The following SREK1 variants were observed in gnomAD, a reference collection of about 807,000 sequenced individuals.
SREK1 encodes splicing regulatory glutamine/lysine-rich protein 1.
Under a neutral mutation model 66.5 loss-of-function variants are expected in SREK1, and 13 were observed. That is an observed-to-expected ratio of 0.20 (90% CI 0.13 to 0.31). SREK1 has a LOEUF of 0.31. SREK1 is among the 10% of genes least tolerant of loss of function. SREK1 has a pLI of 1.00. For synonymous variants in SREK1, 265 were observed against 263.5 expected (o/e 1.01, Z -0.05); for missense variants, 607 against 769.6 (o/e 0.79, Z 2.50).
chr5:66,157,193 A>G, intron 2 of SREK1: 1 of 975,816 alleles, frequency 1.0e-6, no homozygotes. Context: ...TACTATATTT[A>G]TAGTAGTATA....
intron 7 of SREK1, 21 bp from the exon 8 acceptor site, chr5:66,170,030 C>T: frequency 6.7e-7 from 1 of 1,487,356 alleles, no homozygotes. Context: ...TTTTGATATT[C>T]TAACAATTTT....
In SREK1 at chr5:66,144,575, G is replaced by A. The variant is rs1202774403; in HGVS notation, c.161+38G>A. The A allele has an allele frequency of 2.6e-6, 4 of 1,530,084 alleles. 1 individual carries two copies. Among genetic ancestry groups the A allele is most frequent in the South Asian group, 2.4e-5 (2 of 82,152 alleles). 94.8% of individuals were successfully genotyped at this position (1,530,084 alleles called of 1,614,324 possible). A position where few individuals can be genotyped will look rare whatever the true frequency, so the allele number is the denominator to read the frequency against. On this transcript the variant is annotated intron_variant, in intron 1 of 11. Coordinates refer to ENST00000334121, the MANE Select transcript of SREK1 (RefSeq NM_001077199.3). ...GCTCGGCTGGGGGAGGGGCGCGGGCGCCATAGAGACCTCGGGAGCCGAGGC... is the reference window on the plus strand; with the variant it reads ...GCTCGGCTGGGGGAGGGGCGCGGGCACCATAGAGACCTCGGGAGCCGAGGC...
At chr5:66,160,666 A>G (rs1160164629) in intron 3 of SREK1, among the ~76,000 whole-genome samples, 1 of 152,210 alleles carries the variant, frequency 6.6e-6, no homozygotes, top group Non-Finnish European at 1.5e-5. Flanking sequence ...ATGATTTGAC[A>G]TGTTTTAAAA....
intron 7 of SREK1, chr5:66,169,598 A>C (rs1745464026): frequency 6.6e-6 from 1 of 152,252 alleles, no homozygotes; most frequent in Admixed American, 6.5e-5. Context: ...TTAACTTATG[A>C]GTAATGATTT....
intron 1 of SREK1, among the ~76,000 whole-genome samples, chr5:66,145,336 AGGTTGTT>A (rs1743083781): frequency 6.6e-6 from 1 of 152,158 alleles, no homozygotes; most frequent in South Asian, 2.1e-4. Context: ...AGGGGTTTGT[AGGTTGTT>A]CACATTCTTG....
intron 6 of SREK1, chr5:66,164,340 A>T (rs1744999078): frequency 3.4e-6 from 1 of 295,138 alleles, no homozygotes; most frequent in African/African-American, 2.2e-5. Context: ...TATTTTAGTA[A>T]GGTAAAAGAA....
At chr5:66,162,662 C>CTT in intron 5 of SREK1, 70 bp downstream of exon 5, 1 of 1,388,906 alleles carries the variant, frequency 7.2e-7, no homozygotes, top group Non-Finnish European at 9.6e-7. Flanking sequence ...GTAATGAAGG[C>CTT]TTTTTTTTTC....
In SREK1 at chr5:66,180,808, A is replaced by T. The variant is rs1189371109; in HGVS notation, c.*1940A>T. ...TCAACAGCTGTCTTATTTATGATAT[A>T]TAAGTAGAAATAGAGCAAATGTTGG... On this transcript the variant is annotated 3_prime_UTR_variant, in exon 12 of 12. Transcript: ENST00000334121. 2 of 152,440 alleles carry T rather than the reference A, an allele frequency of 1.3e-5. No individual in the cohort carries two copies. The highest frequency in any genetic ancestry group is 2.9e-5 in the Non-Finnish European group (2 of 67,994). The allele number at this position is 152,440 out of a possible 1,614,324, so 9.4% of individuals were successfully genotyped here.
chr5:66,159,245 C>T lies in SREK1; in HGVS notation c.322C>T (p.Leu108Phe), dbSNP rs1744531749. ...TAAAATCCCAGAGGAATCCAAAGCC[C>T]TCTCTTTATTGGCTCCTGCTCCAAC... ...EGKIPEESKALSLLAPAPTMT... is the reference protein window; with the variant it reads ...EGKIPEESKAFSLLAPAPTMT... The change falls in exon 3 of 12, where the codon CTC becomes TTC. Residue 108 changes from leucine (L) to phenylalanine (F), a missense_variant. Coordinates refer to ENST00000334121, the MANE Select transcript of SREK1 (RefSeq NM_001077199.3). The T allele has an allele frequency of 6.2e-7, 1 of 1,612,830 alleles. No homozygotes were observed. The highest frequency in any genetic ancestry group is 8.5e-7 in the Non-Finnish European group (1 of 1,179,614).
rs1046276034 is a variant in SREK1 at position 66,183,152 on chromosome 5, T to C, written c.*4284T>C. 4 of 152,224 alleles carry C rather than the reference T, an allele frequency of 2.6e-5. No individual in the cohort carries two copies. The highest frequency in any genetic ancestry group is 6.5e-5 in the Admixed American group (1 of 15,282). 9.4% of individuals were successfully genotyped at this position (152,224 alleles called of 1,614,324 possible). ...TTTCACATATTTTACCTCTATATTT[T>C]ATTTTTCCAGGATTGGTATGGAGGA... On this transcript the variant is annotated 3_prime_UTR_variant, in exon 12 of 12. Transcript: ENST00000334121.
rs75363335 is a variant in SREK1, at chr5:66,176,254, C to A, written c.1580+1213C>A. Among the ~76,000 whole-genome samples, 647 of 152,238 alleles carry A rather than the reference C, an allele frequency of 4.2e-3. 4 individuals carry two copies. The highest frequency in any genetic ancestry group is 0.014 in the African/African-American group (596 of 41,550). Reference sequence around the variant, plus strand: ...TTTTTCTGTGTGTTTGGGTCTATTTCTGGGTCTTCTGTGCCCTTGGATTGG... The same window carrying A: ...TTTTTCTGTGTGTTTGGGTCTATTTATGGGTCTTCTGTGCCCTTGGATTGG... On this transcript the variant is annotated intron_variant, in intron 10 of 11. Transcript: ENST00000334121.
intron 6 of SREK1, 98 bp downstream of exon 6, chr5:66,164,020 T>G: frequency 7.1e-7 from 1 of 1,417,190 alleles, no homozygotes; most frequent in Non-Finnish European, 9.5e-7. Context: ...GTCACTTCAT[T>G]TTACAAACAA....
chr5:66,152,686 G>A (rs1209427717), intron 1 of SREK1, among the ~76,000 whole-genome samples: 1 of 152,054 alleles, frequency 6.6e-6, no homozygotes, highest in Admixed American at 6.5e-5. Flanking sequence ...ACTTAGTTCG[G>A]TCTTTTTTTT....
At chr5:66,168,364 T>C (rs183836012) in intron 7 of SREK1, 1 of 152,230 alleles carries the variant, frequency 6.6e-6, no homozygotes, top group African/African-American at 2.4e-5. Context: ...TCTTTTTCTT[T>C]TTTCTTTTAT....
At chr5:66,163,032 A>T (rs1444492366) in intron 5 of SREK1, 1 of 152,974 alleles carries the variant, frequency 6.5e-6, no homozygotes, top group Non-Finnish European at 1.5e-5. Context: ...AGAAATTTTG[A>T]CTTTTGAGGT....
intron 9 of SREK1, 90 bp downstream of exon 9, chr5:66,171,037 G>A (rs1440060467): frequency 1.5e-5 from 22 of 1,447,798 alleles, no homozygotes; most frequent in African/African-American, 4.3e-5. Context: ...GTTACTGTAC[G>A]CAAGTGGAAC....
intron 7 of SREK1, chr5:66,166,006 A>G (rs550831262): frequency 6.6e-6 from 1 of 152,260 alleles, no homozygotes; most frequent in Non-Finnish European, 1.5e-5. Context: ...AGTTTGCAAA[A>G]TCTCCTTTGG....
At chr5:66,169,839 A>C in intron 7 of SREK1, 1 of 337,704 alleles carries the variant, frequency 3.0e-6, no homozygotes, top group Non-Finnish European at 5.4e-6. Context: ...AAATATACGA[A>C]ATAACTGTTA....
In SREK1 at chr5:66,162,506, G is replaced by A; in HGVS notation, c.669G>A (p.Arg223=). Residue 223 remains arginine, a synonymous_variant, in exon 5 of 12, where the codon CGG becomes CGA. Transcript: ENST00000334121. ...CAGGTGATGAGACTCAGCCAACTCGGTTTGCTTTTGTGGAATTTGCAGACC... is the reference window on the plus strand; with the variant it reads ...CAGGTGATGAGACTCAGCCAACTCGATTTGCTTTTGTGGAATTTGCAGACC... ...RMAGDETQPT[R]FAFVEFADQN... 6.2e-7 allele frequency: 1 copy of A among 1,614,100 alleles called. No homozygotes were observed. The highest frequency in any genetic ancestry group is 1.6e-4 in the Middle Eastern group (1 of 6,062).
Sources: gnomAD v4.1 joint callset for allele counts (sites outside exome capture counted in the v4.1 genomes callset) on GRCh38, gnomAD v4.1.1 for gene constraint, MANE v1.5 for transcripts, NCBI Gene and HGNC (gene_info 2026-07-23, HGNC 2026-07-21) for gene names.